RTF1: variants seen among roughly 807,000 people sequenced by gnomAD.
RTF1 encodes the protein RTF1 homolog, Paf1/RNA polymerase II complex component.
In RTF1, 10 loss-of-function variants were observed where a neutral mutation model predicts 95.7. The ratio of observed to expected loss-of-function variants is 0.10; its 90% CI spans 0.06 to 0.18. The LOEUF is 0.18. RTF1 is among the 10% of genes least tolerant of loss of function. RTF1 has a pLI of 1.00. For synonymous variants in RTF1, 305 were observed against 311.8 expected, an observed-to-expected ratio of 0.98 and a Z score of 0.23; for missense variants, 458 against 875.6, an observed-to-expected ratio of 0.52 and a Z score of 6.02.
intron 2 of RTF1, among the ~76,000 whole-genome samples, chr15:41,445,539 TA>T (rs1358712820): frequency 1.3e-5 from 2 of 152,206 alleles, no homozygotes; most frequent in African/African-American, 4.8e-5. Flanking sequence ...GCTTTCCAGT[TA>T]AATGTATGTG....
At chr15:41,480,349 T>C (rs2050965803) in intron 17 of RTF1, 24 bp downstream of exon 17, 1 of 1,488,296 alleles carries the variant, frequency 6.7e-7, no homozygotes, top group Admixed American at 1.7e-5. Flanking sequence ...GGGCGGGTGG[T>C]GAGGGCTGAG....
At chr15:41,425,843 T>C (rs2140945166) in intron 1 of RTF1, among the ~76,000 whole-genome samples, 1 of 152,110 alleles carries the variant, frequency 6.6e-6, no homozygotes. Context: ...AGAGGAGTAT[T>C]TAGGATTGAT....
chr15:41,470,056 G>A (rs1418224932), intron 6 of RTF1, among the ~76,000 whole-genome samples: 2 of 151,990 alleles, frequency 1.3e-5, no homozygotes, highest in East Asian at 3.9e-4. Flanking sequence ...TTTTTCATCT[G>A]CTGGGGCCTG....
At chr15:41,434,127 G>A (rs1364051315) in intron 1 of RTF1, among the ~76,000 whole-genome samples, 1 of 149,224 alleles carries the variant, frequency 6.7e-6, no homozygotes, top group Non-Finnish European at 1.5e-5. Context: ...TTACAGGCGT[G>A]AGCCACCACG....
intron 1 of RTF1, among the ~76,000 whole-genome samples, chr15:41,431,513 C>G (rs1460023558): frequency 6.6e-6 from 1 of 152,052 alleles, no homozygotes; most frequent in Non-Finnish European, 1.5e-5. Context: ...CCGCGCCCGA[C>G]TGGGTTTTTC....
intron 2 of RTF1, among the ~76,000 whole-genome samples, chr15:41,439,217 G>A (rs1456662537): frequency 6.6e-6 from 1 of 151,066 alleles, no homozygotes; most frequent in Non-Finnish European, 1.5e-5. Flanking sequence ...TTTATTTTTA[G>A]TAGAGACGGG....
rs190031834 is a variant in RTF1 at position 41,443,011 on chromosome 15, G to A, written c.309+4580G>A. 2.5e-3 allele frequency among the ~76,000 whole-genome samples: 385 copies of A among 152,224 alleles called. 2 individuals are homozygous for A. Among genetic ancestry groups the A allele is most frequent in the South Asian group, 6.4e-3 (31 of 4,824 alleles). ...TCTCATACCGTTTCTTTTCATTAGTGAGCCATTAATATAGGTAGAAAGAAA... is the reference window on the plus strand; with the variant it reads ...TCTCATACCGTTTCTTTTCATTAGTAAGCCATTAATATAGGTAGAAAGAAA... On this transcript the variant is annotated intron_variant, in intron 2 of 17. Transcript: ENST00000389629.
At position 41,483,023 on chromosome 15, in the gene RTF1, C is replaced by T. The variant is rs316604; in HGVS notation, c.*2336C>T. Reference sequence around the variant, plus strand: ...TTGCCACCACCTCCCCACATGTAGCCGCTGAAACCCCCACGAGATGCCAAT... The same window carrying T: ...TTGCCACCACCTCCCCACATGTAGCTGCTGAAACCCCCACGAGATGCCAAT... On this transcript the variant is annotated 3_prime_UTR_variant, in exon 18 of 18. Transcript: ENST00000389629. 32,960 of 152,582 alleles carry T rather than the reference C, an allele frequency of 0.22. 3,836 individuals are homozygous for T. Among genetic ancestry groups the T allele is most frequent in the Non-Finnish European group, 0.25 (17,278 of 67,990 alleles). The allele number at this position is 152,582 out of a possible 1,614,324, so 9.5% of individuals were successfully genotyped here. A position where few individuals can be genotyped will look rare whatever the true frequency, so the allele number is the denominator to read the frequency against.
intron 3 of RTF1, among the ~76,000 whole-genome samples, chr15:41,455,051 C>G (rs994984184): frequency 1.3e-5 from 2 of 152,086 alleles, no homozygotes; most frequent in Admixed American, 6.6e-5. Context: ...CATGGTGGCT[C>G]ACACCTGTAA....
chr15:41,418,128 T>C (rs2050581227), intron 1 of RTF1, among the ~76,000 whole-genome samples: 1 of 152,198 alleles, frequency 6.6e-6, no homozygotes, highest in African/African-American at 2.4e-5. Flanking sequence ...GGTTGAACTG[T>C]TTATATACTC....
intron 8 of RTF1, among the ~76,000 whole-genome samples, chr15:41,473,203 G>A (rs2050923440): frequency 6.6e-6 from 1 of 151,542 alleles, no homozygotes; most frequent in South Asian, 2.1e-4. Flanking sequence ...GCGCGATCTT[G>A]GCTTACTGCA....
intron 1 of RTF1, among the ~76,000 whole-genome samples, chr15:41,421,031 C>T (rs1404104547): frequency 2.4e-4 from 37 of 152,204 alleles, no homozygotes; most frequent in Non-Finnish European, 2.9e-5. Context: ...ATTAAGCGTA[C>T]ATGTATAGGC....
At chr15:41,453,284 G>A (rs1008808436) in intron 3 of RTF1, among the ~76,000 whole-genome samples, 2 of 152,232 alleles carry the variant, frequency 1.3e-5, no homozygotes, top group South Asian at 2.1e-4. Context: ...TGGAACCCAC[G>A]AGGATTCCTG....
At chr15:41,428,808 G>C (rs531589494) in intron 1 of RTF1, among the ~76,000 whole-genome samples, 27 of 152,112 alleles carry the variant, frequency 1.8e-4, no homozygotes, top group Admixed American at 1.5e-3. Context: ...TGTGATCTCA[G>C]CTCACTGCAA....
rs768664536 is a variant in RTF1 at position 41,480,709 on chromosome 15, T to A, written c.*22T>A. On this transcript the variant is annotated 3_prime_UTR_variant, in exon 18 of 18. Transcript: ENST00000389629. ...TTGAGCACACCCAGCCTGCTGCTTC[T>A]GACCCTGCATGCCCCATCGCAGCGT... The A allele has an allele frequency of 9.9e-6, 15 of 1,517,776 alleles. No homozygotes were observed. Among genetic ancestry groups the A allele is most frequent in the Non-Finnish European group, 1.4e-5 (15 of 1,092,242 alleles). The allele number at this position is 1,517,776 out of a possible 1,614,324, so 94.0% of individuals were successfully genotyped here. A position where few individuals can be genotyped will look rare whatever the true frequency, so the allele number is the denominator to read the frequency against.
At chr15:41,419,816 CTTTA>C (rs995186436) in intron 1 of RTF1, among the ~76,000 whole-genome samples, 15 of 152,084 alleles carry the variant, frequency 9.9e-5, no homozygotes, top group African/African-American at 3.6e-4. Flanking sequence ...AGAATTGCCA[CTTTA>C]TTTATTTATT....
At chr15:41,456,213 G>A (rs1489312978) in intron 3 of RTF1, among the ~76,000 whole-genome samples, 5 of 151,352 alleles carry the variant, frequency 3.3e-5, no homozygotes, top group East Asian at 1.9e-4. Flanking sequence ...AAGGCTGGGC[G>A]CAGTGGCTCA....
At chr15:41,428,257 C>T (rs796868375) in intron 1 of RTF1, among the ~76,000 whole-genome samples, 42 of 95,956 alleles carry the variant, frequency 4.4e-4, no homozygotes, top group African/African-American at 1.8e-3. Context: ...ACTGATATCC[C>T]TTTTTTTTTT....
At chr15:41,454,972 G>A (rs1411162692) in intron 3 of RTF1, among the ~76,000 whole-genome samples, 1 of 152,052 alleles carries the variant, frequency 6.6e-6, no homozygotes, top group East Asian at 1.9e-4. Flanking sequence ...ATTTTTTGGG[G>A]CTTATACTCT....
Sources: allele counts gnomAD v4.1 joint callset (sites outside exome capture counted in the v4.1 genomes callset), GRCh38; gene constraint gnomAD v4.1.1; transcripts MANE v1.5; gene names NCBI Gene and HGNC (gene_info 2026-07-23, HGNC 2026-07-21).